NBAS: variants seen among roughly 807,000 people sequenced by gnomAD.
NBAS encodes the protein NBAS subunit of NRZ tethering complex.
NBAS carries 219 observed loss-of-function variants against 302.5 expected under a neutral mutation model. That is an observed-to-expected ratio of 0.72 (90% confidence interval 0.65 to 0.81). The LOEUF is 0.81. NBAS is among the 30% of genes least tolerant of loss of function. The pLI, the probability that NBAS is intolerant of heterozygous loss-of-function variation, is 0.00. For missense variants in NBAS, 2,932 were observed against 2,841.6 expected (o/e 1.03, Z -0.72); for synonymous variants, 1,118 against 1,021.6 (o/e 1.09, Z -1.80).
At chr2:15,322,491 C>G (rs931298397) in intron 38 of NBAS, among the ~76,000 whole-genome samples, 3 of 152,142 alleles carry the variant, frequency 2.0e-5, no homozygotes, top group Non-Finnish European at 4.4e-5. Context: ...GGAAAGCACT[C>G]AGATAAATTT....
At chr2:15,551,392 C>G in intron 6 of NBAS, 101 bp downstream of exon 6, 1 of 718,344 alleles carries the variant, frequency 1.4e-6, no homozygotes, top group East Asian at 2.9e-5. Context: ...CATGATAATC[C>G]TTGTTAATAA....
intron 42 of NBAS, among the ~76,000 whole-genome samples, chr2:15,278,041 T>G (rs1490024713): frequency 1.3e-5 from 2 of 152,166 alleles, no homozygotes; most frequent in Non-Finnish European, 2.9e-5. Context: ...AAGTGAGACC[T>G]TGGGCAGCAA....
the NBAS span, among the ~76,000 whole-genome samples, chr2:15,054,115 T>C: frequency 1.3e-5 from 2 of 152,214 alleles, no homozygotes; most frequent in Admixed American, 6.5e-5. Flanking sequence ...AAGCACTCCA[T>C]GCTACATTTG....
the NBAS span, among the ~76,000 whole-genome samples, chr2:14,980,417 A>G: frequency 6.6e-6 from 1 of 152,204 alleles, no homozygotes; most frequent in Non-Finnish European, 1.5e-5. Flanking sequence ...TACCCCAGAC[A>G]TCTTGCCTTG....
At chr2:14,977,988 A>G in the NBAS span, among the ~76,000 whole-genome samples, 1 of 152,162 alleles carries the variant, frequency 6.6e-6, no homozygotes, top group African/African-American at 2.4e-5. Flanking sequence ...ACAGTGAAGT[A>G]CTCAAAAAAC....
chr2:15,386,258 A>T (rs895738988), intron 28 of NBAS, among the ~76,000 whole-genome samples: 3 of 152,296 alleles, frequency 2.0e-5, no homozygotes, highest in East Asian at 3.9e-4. Context: ...TAGGAAGGAG[A>T]ATTCAATTAA....
intron 48 of NBAS, among the ~76,000 whole-genome samples, chr2:15,195,692 C>T (rs73194939): frequency 0.024 from 3,611 of 152,238 alleles, 114 homozygotes; most frequent in African/African-American, 0.078. Flanking sequence ...TCCCAATAGA[C>T]AGAAAACTCC....
chr2:15,035,631 C>CAT, the NBAS span, among the ~76,000 whole-genome samples: 1 of 152,124 alleles, frequency 6.6e-6, no homozygotes, highest in African/African-American at 2.4e-5. Context: ...AAATGTGGTA[C>CAT]ATATATATCA....
intron 38 of NBAS, among the ~76,000 whole-genome samples, chr2:15,325,029 A>G (rs763417058): frequency 6.6e-6 from 1 of 152,228 alleles, no homozygotes; most frequent in Non-Finnish European, 1.5e-5. Context: ...AGAAAATATC[A>G]GAAGCCTTAA....
chr2:15,025,437 T>C, the NBAS span, among the ~76,000 whole-genome samples: 1 of 152,238 alleles, frequency 6.6e-6, no homozygotes, highest in African/African-American at 2.4e-5. Flanking sequence ...AGGATTGCTT[T>C]AGCTATTTGG....
chr2:15,545,005 T>C (rs1664034730), intron 6 of NBAS, among the ~76,000 whole-genome samples: 2 of 111,850 alleles, frequency 1.8e-5, no homozygotes, highest in South Asian at 2.7e-4. Flanking sequence ...AGCAAGACTC[T>C]GGCTGGCAAA....
At chr2:15,047,549 C>A in the NBAS span, among the ~76,000 whole-genome samples, 1 of 151,996 alleles carries the variant, frequency 6.6e-6, no homozygotes, top group Non-Finnish European at 1.5e-5. Flanking sequence ...TGGACCCATG[C>A]AGGTAAAGGC....
the NBAS span, among the ~76,000 whole-genome samples, chr2:15,051,555 C>G: frequency 6.6e-6 from 1 of 152,162 alleles, no homozygotes; most frequent in Admixed American, 6.5e-5. Context: ...ATAATAAAAT[C>G]TGCCTCCCAG....
Position 15,536,474 on chromosome 2 carries a change from C to A in NBAS, c.591G>T (p.Trp197Cys), listed in dbSNP as rs1327253792. The change falls in exon 8 of 52, where the codon TGG (tryptophan) becomes TGT (cysteine). Residue 197 changes from tryptophan to cysteine, a missense_variant. Physicochemically the swap from Trp to Cys is radical, Grantham distance 215. Transcript: ENST00000281513. The stretch of plus-strand genomic sequence containing the variant: ...AATTGATGACCAGGAGTTCTGCAGA[C>A]CACTGTGCACTTGCTTTATATTCTA... ...IFLEYKASAQ[W>C]SAELLVINYR... The A allele has an allele frequency of 6.2e-7, 1 of 1,613,466 alleles. No homozygotes were observed. The highest frequency in any genetic ancestry group is 1.3e-5 in the African/African-American group (1 of 74,882).
the NBAS span, among the ~76,000 whole-genome samples, chr2:14,929,177 T>C: frequency 1.3e-5 from 2 of 152,084 alleles, no homozygotes; most frequent in African/African-American, 4.8e-5. Flanking sequence ...TCAGCAGAAC[T>C]GAGGATGTTT....
chr2:15,211,455 C>T (rs1488231489), intron 48 of NBAS, among the ~76,000 whole-genome samples: 2 of 152,148 alleles, frequency 1.3e-5, no homozygotes, highest in East Asian at 3.9e-4. Flanking sequence ...ATACAGAATA[C>T]TTTGCATAAT....
intron 44 of NBAS, among the ~76,000 whole-genome samples, chr2:15,248,043 A>G (rs1248220009): frequency 1.1e-4 from 16 of 152,344 alleles, no homozygotes; most frequent in Admixed American, 9.8e-4. Flanking sequence ...AATTGACCAC[A>G]TAATTGGAAG....
At chr2:15,158,964 C>T in the NBAS span, among the ~76,000 whole-genome samples, 3 of 152,178 alleles carry the variant, frequency 2.0e-5, no homozygotes, top group African/African-American at 7.2e-5. Context: ...CAGAGTCCTC[C>T]CATTGTTGTC....
At chr2:15,144,061 A>ATATATATATATATATTATCC in the NBAS span, among the ~76,000 whole-genome samples, 1 of 137,382 alleles carries the variant, frequency 7.3e-6, no homozygotes, top group Non-Finnish European at 1.5e-5. Flanking sequence ...ATATATATAT[A>ATATATATATATATATTATCC]TATATATCTC....
Sources: gnomAD v4.1 joint callset for allele counts (sites outside exome capture counted in the v4.1 genomes callset) on GRCh38, gnomAD v4.1.1 for gene constraint, MANE v1.5 for transcripts, NCBI Gene and HGNC (gene_info 2026-07-23, HGNC 2026-07-21) for gene names.